TTC34: variants seen among roughly 807,000 people sequenced by gnomAD.
TTC34 encodes tetratricopeptide repeat domain 34, also known as tetratricopeptide repeat protein 34.
TTC34 carries 44 observed loss-of-function variants against 40.7 expected under a neutral mutation model. The observed-to-expected ratio is 1.08, with a 90% CI of 0.85 to 1.39. TTC34 has a LOEUF of 1.39. Ranked by LOEUF, TTC34 falls within the 40% of genes most tolerant of loss-of-function variation. The pLI is 0.00. For missense variants in TTC34, 884 were observed against 838.0 expected (o/e 1.05, Z -0.68); for synonymous variants, 422 against 398.6 (o/e 1.06, Z -0.70).
chr1:2,784,658 C>T (rs911496636), intron 5 of TTC34, among the ~76,000 whole-genome samples: 1 of 152,106 alleles, frequency 6.6e-6, no homozygotes, highest in African/African-American at 2.4e-5. Context: ...CTCACAATGT[C>T]CCTTCAGCAC....
intron 6 of TTC34, among the ~76,000 whole-genome samples, chr1:2,753,074 A>C (rs1641378449): frequency 4.8e-5 from 7 of 147,192 alleles, no homozygotes; most frequent in African/African-American, 7.6e-5. Context: ...AGCATCTGAC[A>C]GCCTGGAACG....
At chr1:2,784,447 C>A (rs988842163) in intron 5 of TTC34, among the ~76,000 whole-genome samples, 3 of 152,150 alleles carry the variant, frequency 2.0e-5, no homozygotes, top group Non-Finnish European at 2.9e-5. Context: ...TGTGGGCAGG[C>A]CTGGATGATA....
chr1:2,641,542 G>C, exon 9 of TTC34: 1 of 1,534,018 alleles, frequency 6.5e-7, no homozygotes, highest in Non-Finnish European at 8.7e-7. Flanking sequence ...GTGCAGTGGG[G>C]GCCCGGCCTG....
chr1:2,655,905 G>C (rs1395674617), intron 6 of TTC34, among the ~76,000 whole-genome samples: 12 of 151,942 alleles, frequency 7.9e-5, no homozygotes, highest in African/African-American at 2.9e-4. Context: ...CCCCAGGTGA[G>C]CATCTGACAG....
In TTC34 at chr1:2,685,128, A is replaced by C. The variant is rs1300281463; in HGVS notation, c.2227-39565T>G. On this transcript the variant is annotated intron_variant, in intron 6 of 8. Coordinates refer to ENST00000401095, the Ensembl canonical transcript of TTC34. Reference sequence around the variant, plus strand: ...GGATCAGCACCCACACCCCCAGGCGAGCATCGGACGGCCTGGAACAGCACC... The same window carrying C: ...GGATCAGCACCCACACCCCCAGGCGCGCATCGGACGGCCTGGAACAGCACC... Among the ~76,000 whole-genome samples, 16 of 143,982 alleles carry C rather than the reference A, an allele frequency of 1.1e-4. 1 individual carries two copies. The highest frequency in any genetic ancestry group is 4.4e-4 in the African/African-American group (16 of 35,968). The allele number at this position is 143,982 out of a possible 152,430, so 94.5% of individuals were successfully genotyped here. A position where few individuals can be genotyped will look rare whatever the true frequency, so the allele number is the denominator to read the frequency against.
chr1:2,685,868 A>C (rs1640313877), intron 6 of TTC34, among the ~76,000 whole-genome samples: 1 of 149,726 alleles, frequency 6.7e-6, no homozygotes, highest in African/African-American at 2.5e-5. Context: ...AGCCTGGAAC[A>C]GCACCCTGCA....
At chr1:2,692,784 AC>A (rs1640686846) in intron 6 of TTC34, among the ~76,000 whole-genome samples, 2 of 124,376 alleles carry the variant, frequency 1.6e-5, no homozygotes, top group Non-Finnish European at 1.7e-5. Context: ...CAGCACACAC[AC>A]CCACAAGCGA....
At chr1:2,748,792 A>T (rs1234814564) in intron 6 of TTC34, among the ~76,000 whole-genome samples, 1 of 114,004 alleles carries the variant, frequency 8.8e-6, no homozygotes, top group Non-Finnish European at 1.8e-5. Context: ...CCTGGAGCGG[A>T]ACCCACACCC....
At chr1:2,656,401 T>G (rs76086407) in intron 6 of TTC34, among the ~76,000 whole-genome samples, 106 of 1,302 alleles carry the variant, frequency 0.081, 33 homozygotes, top group Non-Finnish European at 0.096. Context: ...TGACAGCATG[T>G]AACAGCACCC....
chr1:2,686,665 T>A (rs1305150477), intron 6 of TTC34, among the ~76,000 whole-genome samples: 3 of 132,676 alleles, frequency 2.3e-5, no homozygotes, highest in Non-Finnish European at 4.7e-5. Flanking sequence ...TCTGACAGCC[T>A]GGAACAGCAC....
At chr1:2,680,433 A>T (rs1194490214) in intron 6 of TTC34, among the ~76,000 whole-genome samples, 7 of 63,984 alleles carry the variant, frequency 1.1e-4, no homozygotes, top group South Asian at 5.9e-4. Flanking sequence ...CCAGGGGAGC[A>T]TCTGACCGCA....
intron 6 of TTC34, among the ~76,000 whole-genome samples, chr1:2,756,793 G>A (rs1218451504): frequency 1.0e-3 from 134 of 130,834 alleles, no homozygotes; most frequent in Middle Eastern, 3.9e-3. Flanking sequence ...ACACCCCCAG[G>A]TGAACATCCG....
At chr1:2,786,169 GC>G in intron 4 of TTC34, 146 bp from the exon 5 acceptor site, 3 of 691,986 alleles carry the variant, frequency 4.3e-6, no homozygotes, top group South Asian at 6.3e-5. Context: ...CACCCTTGCT[GC>G]CCCACGGCTC....
chr1:2,685,798 C>G (rs1640309720), intron 6 of TTC34, among the ~76,000 whole-genome samples: 3 of 97,908 alleles, frequency 3.1e-5, no homozygotes, highest in East Asian at 3.3e-4. Flanking sequence ...AGAACCCACA[C>G]CCCCAGGTGA....
At chr1:2,786,084 G>A (rs1017563195) in intron 4 of TTC34, 61 bp from the exon 5 acceptor site, 5 of 1,345,052 alleles carry the variant, frequency 3.7e-6, no homozygotes, top group Admixed American at 7.2e-5. Flanking sequence ...AGCCCACCCT[G>A]TACTGACGCC....
chr1:2,768,535 C>T (rs1417236651), intron 6 of TTC34, among the ~76,000 whole-genome samples: 2 of 151,592 alleles, frequency 1.3e-5, no homozygotes, highest in African/African-American at 4.9e-5. Context: ...AACAGCACCC[C>T]ACAACTGCAG....
chr1:2,749,567 C>CGT (rs1641251647), intron 6 of TTC34, among the ~76,000 whole-genome samples: 1 of 96,486 alleles, frequency 1.0e-5, no homozygotes, highest in African/African-American at 6.0e-5. Flanking sequence ...CCCACACCCC[C>CGT]AGGCGAGCAT....
chr1:2,685,088 T>C (rs1042614016), intron 6 of TTC34, among the ~76,000 whole-genome samples: 681 of 19,014 alleles, frequency 0.036, 1 homozygote, highest in East Asian at 0.06. Flanking sequence ...CCCCCAGGTG[T>C]GCACGTGACA....
intron 6 of TTC34, among the ~76,000 whole-genome samples, chr1:2,773,100 C>A (rs1279398443): frequency 2.6e-4 from 39 of 149,466 alleles, no homozygotes; most frequent in African/African-American, 7.7e-4. Flanking sequence ...ACCCACACCC[C>A]CAGGCGAGCA....
Sources: allele counts gnomAD v4.1 joint callset (sites outside exome capture counted in the v4.1 genomes callset), GRCh38; gene constraint gnomAD v4.1.1; transcripts MANE v1.5; gene names NCBI Gene and HGNC (gene_info 2026-07-23, HGNC 2026-07-21).